Variants in SUZ12 observed in about 807,000 individuals in gnomAD.
SUZ12 encodes the protein polycomb protein SUZ12.
In SUZ12, 17 loss-of-function variants were observed where a neutral mutation model predicts 87.3. That is an observed-to-expected ratio of 0.19 (90% CI 0.13 to 0.29). The LOEUF is 0.29. Ranked by LOEUF, SUZ12 falls within the 10% of genes least tolerant of loss-of-function variation. SUZ12 has a pLI of 1.00. For synonymous variants in SUZ12, 253 were observed against 312.4 expected, an observed-to-expected ratio of 0.81 and a Z score of 2.01; for missense variants, 526 against 912.2, an observed-to-expected ratio of 0.58 and a Z score of 5.45.
chr17:31,989,404 G>T (rs192281224), intron 10 of SUZ12, among the ~76,000 whole-genome samples: 1 of 152,080 alleles, frequency 6.6e-6, no homozygotes, highest in Non-Finnish European at 1.5e-5. Flanking sequence ...AAATTGAAGC[G>T]TGATATGGTA....
intron 3 of SUZ12, among the ~76,000 whole-genome samples, chr17:31,940,905 G>A (rs527774669): frequency 4.0e-5 from 6 of 151,752 alleles, no homozygotes; most frequent in African/African-American, 1.4e-4. Context: ...AGTTACTTGC[G>A]AGGCTGAGGC....
intron 4 of SUZ12, among the ~76,000 whole-genome samples, chr17:31,951,616 T>A (rs8075663): frequency 0.049 from 7,416 of 151,214 alleles, 582 homozygotes; most frequent in African/African-American, 0.17. Context: ...AGTAGCTGGG[T>A]CAGGTGCGTG....
intron 4 of SUZ12, among the ~76,000 whole-genome samples, chr17:31,955,655 G>A (rs1907272636): frequency 6.6e-6 from 1 of 151,916 alleles, no homozygotes; most frequent in South Asian, 2.1e-4. Context: ...GGCTGAGGCA[G>A]GAGAATCGCT....
In SUZ12 at chr17:31,949,373, G is replaced by A. The variant is rs1906810888; in HGVS notation, c.455+1688G>A. Among the ~76,000 whole-genome samples the A allele has an allele frequency of 2.6e-5, 4 of 152,042 alleles. No individual in the cohort carries two copies. In the South Asian group the frequency reaches 6.2e-4, roughly 24 times the overall value. ...GAAGAGAATTTTTTGAGTCTTTAGG[G>A]TCTAGCTAGGACCAGTGAGTTGGCC... On this transcript the variant is annotated intron_variant, in intron 4 of 15. Transcript: ENST00000322652.
chr17:31,985,441 T>C (rs1909352736), intron 9 of SUZ12, among the ~76,000 whole-genome samples: 1 of 151,458 alleles, frequency 6.6e-6, no homozygotes, highest in Non-Finnish European at 1.5e-5. Context: ...CATATATATA[T>C]ATATATTTTC....
chr17:31,976,985 T>C (rs1170677537), intron 8 of SUZ12, among the ~76,000 whole-genome samples: 1 of 152,064 alleles, frequency 6.6e-6, no homozygotes, highest in African/African-American at 2.4e-5. Flanking sequence ...TAGTGATGAG[T>C]GTTGTGAAGA....
At position 31,956,351 on chromosome 17, in the gene SUZ12, G is replaced by A. The variant is rs538866241; in HGVS notation, c.455+8666G>A. Among the ~76,000 whole-genome samples, 13 of 151,962 alleles carry A rather than the reference G, an allele frequency of 8.6e-5. No homozygotes were observed. The East Asian group carries it at 2.5e-3, about 29-fold the overall frequency. ...TGGGACTACAGGCGTGTGCCACCAT[G>A]CCTGGCTAATGTTTTGTGTTTTAGT... On this transcript the variant is annotated intron_variant, in intron 4 of 15. Coordinates refer to ENST00000322652, the MANE Select transcript of SUZ12 (RefSeq NM_015355.4).
Position 31,998,916 on chromosome 17 carries a change from A to T in SUZ12, c.2133A>T (p.Gly711=). The T allele has an allele frequency of 6.2e-7, 1 of 1,612,676 alleles. No individual in the cohort carries two copies. The highest frequency in any genetic ancestry group is 8.5e-7 in the Non-Finnish European group (1 of 1,179,658). Residue 711 remains glycine, a synonymous_variant, in exon 16 of 16, where the codon GGA becomes GGT. Transcript: ENST00000322652. ...AAGAACAAAATGGGACAGCAAATGG[A>T]TTTAGTGAAATTAACTCAAAAGAGA... ...ITEEQNGTAN[G]FSEINSKEKA...
rs1909937252 is a variant in SUZ12 at position 31,995,633 on chromosome 17, A to G, written c.1665A>G (p.Arg555=). The G allele has an allele frequency of 3.1e-6, 5 of 1,613,986 alleles. No individual in the cohort carries two copies. The stretch of plus-strand genomic sequence containing the variant: ...AAGATGGGGAAGTAGAACAGCAAAG[A>G]ACATATAGTAGTGGCCACAATCGTC... ...ESEDGEVEQQ[R]TYSSGHNRLY... is the part of the protein sequence containing the mutation. The change falls in exon 14 of 16, where the codon AGA becomes AGG. Residue 555 remains arginine, a synonymous_variant. Transcript: ENST00000322652.
intron 4 of SUZ12, chr17:31,963,713 C>CG (rs1314960016): frequency 1.3e-5 from 2 of 150,616 alleles, no homozygotes; most frequent in Non-Finnish European, 3.0e-5. Flanking sequence ...TTAGTAGAGA[C>CG]GGGGTTTCAC....
Position 31,941,139 on chromosome 17 carries a change from C to A in SUZ12, c.386+653C>A, listed in dbSNP as rs554601926. Among the ~76,000 whole-genome samples, 5 of 151,274 alleles carry A rather than the reference C, an allele frequency of 3.3e-5. No individual in the cohort carries two copies. In the South Asian group the frequency reaches 1.0e-3, roughly 32 times the overall value. ...TTTGTTTTTTTTTGAGACAGAGTGTCTGTCCAGGTTGGAGTGCAGTGGCGT... is the reference window on the plus strand; with the variant it reads ...TTTGTTTTTTTTTGAGACAGAGTGTATGTCCAGGTTGGAGTGCAGTGGCGT... On this transcript the variant is annotated intron_variant, in intron 3 of 15. Coordinates refer to ENST00000322652, the MANE Select transcript of SUZ12 (RefSeq NM_015355.4).
chr17:31,953,745 C>T (rs367808926), intron 4 of SUZ12, among the ~76,000 whole-genome samples: 11 of 144,958 alleles, frequency 7.6e-5, no homozygotes, highest in Non-Finnish European at 4.5e-5. Flanking sequence ...GACTGAGTCT[C>T]GCCCTGTTGC....
At chr17:31,971,921 G>C (rs1908455779) in intron 5 of SUZ12, among the ~76,000 whole-genome samples, 1 of 152,110 alleles carries the variant, frequency 6.6e-6, no homozygotes. Context: ...TTTGAGACCA[G>C]CCTGGGCAAC....
At chr17:31,942,566 AC>A (rs1346168328) in intron 3 of SUZ12, among the ~76,000 whole-genome samples, 1 of 151,426 alleles carries the variant, frequency 6.6e-6, no homozygotes, top group African/African-American at 2.4e-5. Flanking sequence ...TGAACTCCTG[AC>A]CTCAGGTGAT....
Position 31,988,334 on chromosome 17 carries a change from C to G in SUZ12, c.1038C>G (p.Phe346Leu). 1 of 1,566,094 alleles carries G rather than the reference C, an allele frequency of 6.4e-7. No individual in the cohort carries two copies. The highest frequency in any genetic ancestry group is 8.6e-7 in the Non-Finnish European group (1 of 1,161,608). ...TTATTTTTTAGAGGCTGCCTCCATTCGAAACATTTTCTCAGGGACCTACGT... is the reference window on the plus strand; with the variant it reads ...TTATTTTTTAGAGGCTGCCTCCATTGGAAACATTTTCTCAGGGACCTACGT... ...TILDGKRLPP[F>L]ETFSQGPTLQ... Residue 346 changes from phenylalanine (F) to leucine (L), a missense_variant, in exon 10 of 16, where the codon TTC (phenylalanine) becomes TTG (leucine). Coordinates refer to ENST00000322652, the MANE Select transcript of SUZ12 (RefSeq NM_015355.4).
chr17:31,941,689 A>G (rs1189013299), intron 3 of SUZ12, among the ~76,000 whole-genome samples: 3 of 151,356 alleles, frequency 2.0e-5, no homozygotes, highest in Non-Finnish European at 4.4e-5. Context: ...AGCTTGGACT[A>G]TAGGCGCGTG....
At chr17:31,939,675 C>T (rs1351859812) in intron 1 of SUZ12, among the ~76,000 whole-genome samples, 6 of 152,084 alleles carry the variant, frequency 3.9e-5, no homozygotes, top group East Asian at 1.9e-4. Flanking sequence ...AGGCATGCGC[C>T]GCCCCTATGC....
intron 5 of SUZ12, among the ~76,000 whole-genome samples, chr17:31,972,278 C>CT (rs777804594): frequency 2.6e-5 from 4 of 151,484 alleles, no homozygotes; most frequent in African/African-American, 9.7e-5. Flanking sequence ...GAACGAGTCT[C>CT]TGTCTCGAAA....
intron 3 of SUZ12, 139 bp from the exon 4 acceptor site, chr17:31,947,478 T>G: frequency 8.8e-7 from 1 of 1,134,308 alleles, no homozygotes; most frequent in Non-Finnish European, 1.2e-6. Context: ...TTCATTGTTA[T>G]GGCTAATCAT....
Sources: gnomAD v4.1 joint callset for allele counts (sites outside exome capture counted in the v4.1 genomes callset) on GRCh38, gnomAD v4.1.1 for gene constraint, MANE v1.5 for transcripts, NCBI Gene and HGNC (gene_info 2026-07-23, HGNC 2026-07-21) for gene names.